The following LRP1B variants were observed in gnomAD, a reference collection of about 807,000 sequenced individuals.
LRP1B encodes the protein LDL receptor related protein 1B.
LRP1B carries 217 observed loss-of-function variants against 556.6 expected under a neutral mutation model. That is an observed-to-expected ratio of 0.39 (90% CI 0.35 to 0.44). The LOEUF (loss-of-function observed/expected upper bound fraction) is 0.44. Ranked by LOEUF, LRP1B falls within the 20% of genes least tolerant of loss-of-function variation. The pLI is 1.00. For synonymous variants in LRP1B, 2,047 were observed against 1,865.8 expected (o/e 1.10, Z -2.50); for missense variants, 5,053 against 5,620.8 (o/e 0.90, Z 3.23).
chr2:141,551,249 A>G (rs1041353632), intron 2 of LRP1B, among the ~76,000 whole-genome samples: 1 of 152,026 alleles, frequency 6.6e-6, no homozygotes, highest in Non-Finnish European at 1.5e-5. Flanking sequence ...ATAAATGTAT[A>G]TATAACACAT....
chr2:141,590,287 T>A (rs1216837321), intron 2 of LRP1B, among the ~76,000 whole-genome samples: 1 of 152,208 alleles, frequency 6.6e-6, no homozygotes, highest in African/African-American at 2.4e-5. Flanking sequence ...TGTGTTTGCC[T>A]GACATAAGCT....
chr2:140,713,589 G>A (rs910545178), intron 37 of LRP1B, among the ~76,000 whole-genome samples: 1 of 151,950 alleles, frequency 6.6e-6, no homozygotes, highest in African/African-American at 2.4e-5. Context: ...GTCCAGGACT[G>A]GTTTGGAGTT....
At chr2:141,111,547 T>A (rs78770156) in intron 7 of LRP1B, among the ~76,000 whole-genome samples, 1 of 152,278 alleles carries the variant, frequency 6.6e-6, no homozygotes, top group Non-Finnish European at 1.5e-5. Context: ...ACTACGGGGC[T>A]TGCCTAAACA....
At position 140,255,977 on chromosome 2, in the gene LRP1B, G is replaced by C. The variant is rs76701929; in HGVS notation, c.13248-8815C>G. On this transcript the variant is annotated intron_variant, in intron 86 of 90. Coordinates refer to ENST00000389484, the MANE Select transcript of LRP1B (RefSeq NM_018557.3). ...TGAGATGATTACATTCTAGTACTTG[G>C]GCGTATGTAAATTGTGTATCATTCA... is the stretch of plus-strand genomic sequence containing the variant. Among the ~76,000 whole-genome samples, 1,493 of 151,798 alleles carry C rather than the reference G, an allele frequency of 9.8e-3. 62 individuals are homozygous for C. In the East Asian group the frequency reaches 0.13, roughly 14 times the overall value.
chr2:141,361,086 A>G (rs1170542205), intron 3 of LRP1B, among the ~76,000 whole-genome samples: 1 of 152,178 alleles, frequency 6.6e-6, no homozygotes, highest in Non-Finnish European at 1.5e-5. Context: ...GGTAAGCCAC[A>G]CATAACTTAA....
intron 3 of LRP1B, among the ~76,000 whole-genome samples, chr2:141,367,907 A>G (rs879729124): frequency 2.6e-5 from 4 of 152,208 alleles, no homozygotes; most frequent in African/African-American, 7.2e-5. Context: ...AAAATAGATC[A>G]TCATAAAACA....
At chr2:141,009,030 T>C (rs950263127) in intron 14 of LRP1B, among the ~76,000 whole-genome samples, 2 of 151,952 alleles carry the variant, frequency 1.3e-5, no homozygotes, top group African/African-American at 4.8e-5. Flanking sequence ...AATTCCATTG[T>C]TTCAGTCTTT....
intron 41 of LRP1B, among the ~76,000 whole-genome samples, chr2:140,658,679 G>A (rs1347536730): frequency 1.3e-5 from 2 of 151,160 alleles, no homozygotes; most frequent in East Asian, 3.8e-4. Context: ...AACGCAATAT[G>A]TCTACATTTA....
chr2:142,121,126 T>C (rs943569730), intron 1 of LRP1B, among the ~76,000 whole-genome samples: 1 of 152,174 alleles, frequency 6.6e-6, no homozygotes, highest in Non-Finnish European at 1.5e-5. Flanking sequence ...AGAAAATCTT[T>C]CTAAACTAAA....
chr2:140,424,291 A>T (rs1022297711), intron 66 of LRP1B, among the ~76,000 whole-genome samples: 10 of 152,224 alleles, frequency 6.6e-5, no homozygotes, highest in Non-Finnish European at 1.0e-4. Flanking sequence ...AAGTATTTAA[A>T]ATTCTTCTCA....
Position 141,030,525 on chromosome 2 carries a change from CAAT to C in LRP1B, c.1790-10426_1790-10424del, listed in dbSNP as rs538049045. On this transcript the variant is annotated intron_variant, in intron 11 of 90. Coordinates refer to ENST00000389484, the MANE Select transcript of LRP1B (RefSeq NM_018557.3). The stretch of plus-strand genomic sequence containing the variant: ...AATATGCACATTCTTCTATGATTAA[CAAT>C]AAAGATTTATGAAAGCTCATTTTTA... Among the ~76,000 whole-genome samples the C allele has an allele frequency of 5.3e-5, 8 of 152,062 alleles. No individual in the cohort carries two copies. In the South Asian group the frequency reaches 1.7e-3, roughly 32 times the overall value.
chr2:141,404,837 T>C (rs1210182185), intron 3 of LRP1B, among the ~76,000 whole-genome samples: 1 of 152,062 alleles, frequency 6.6e-6, no homozygotes, highest in Non-Finnish European at 1.5e-5. Flanking sequence ...TGGAAGCACC[T>C]ATTTCTAATT....
intron 1 of LRP1B, among the ~76,000 whole-genome samples, chr2:141,946,032 G>A (rs1700945432): frequency 6.6e-6 from 1 of 151,922 alleles, no homozygotes; most frequent in South Asian, 2.1e-4. Context: ...GAAGACAGGG[G>A]TGGAGGCAGC....
At position 140,485,402 on chromosome 2, in the gene LRP1B, A is replaced by G. The variant is rs1208344270; in HGVS notation, c.9366T>C (p.Thr3122=). 5 of 1,613,956 alleles carry G rather than the reference A, an allele frequency of 3.1e-6. No homozygotes were observed. The highest frequency in any genetic ancestry group is 4.2e-6 in the Non-Finnish European group (5 of 1,179,882). Residue 3122 remains threonine (T), a synonymous_variant, in exon 59 of 91, where the codon ACT becomes ACC. Transcript: ENST00000389484. Reference sequence around the variant, plus strand: ...ACTTCAGCCTTTTGCTAACGAGTATAGTAGGGTACAAGCCATTGAGTTTGG... The same window carrying G: ...ACTTCAGCCTTTTGCTAACGAGTATGGTAGGGTACAAGCCATTGAGTTTGG... The part of the protein sequence containing the change: ...EVSKLNGLYP[T]ILVSKRLKFP...
At chr2:140,251,176 C>T (rs903896895) in intron 86 of LRP1B, among the ~76,000 whole-genome samples, 1 of 151,676 alleles carries the variant, frequency 6.6e-6, no homozygotes, top group Non-Finnish European at 1.5e-5. Context: ...TACTAGGAAG[C>T]ACAGTAAGCG....
chr2:140,944,680 A>T (rs929987936), intron 20 of LRP1B, among the ~76,000 whole-genome samples: 4 of 152,186 alleles, frequency 2.6e-5, no homozygotes, highest in Non-Finnish European at 4.4e-5. Flanking sequence ...ATCTCAATAG[A>T]TGCAGAAAAA....
At chr2:141,088,627 T>G (rs1700103426) in intron 7 of LRP1B, among the ~76,000 whole-genome samples, 1 of 152,166 alleles carries the variant, frequency 6.6e-6, no homozygotes, top group African/African-American at 2.4e-5. Flanking sequence ...CTACTATCAT[T>G]TGCCTTTGTC....
chr2:141,049,864 A>G (rs1225928511), intron 10 of LRP1B, among the ~76,000 whole-genome samples: 1 of 152,090 alleles, frequency 6.6e-6, no homozygotes, highest in Non-Finnish European at 1.5e-5. Flanking sequence ...TGTACAACAC[A>G]GGCCTTATCA....
intron 4 of LRP1B, among the ~76,000 whole-genome samples, chr2:141,247,655 T>C (rs958696761): frequency 5.9e-5 from 9 of 152,172 alleles, no homozygotes; most frequent in Non-Finnish European, 1.3e-4. Context: ...CTCCAATTAA[T>C]ATTTGTTGAA....
Sources: gnomAD v4.1 joint callset for allele counts (sites outside exome capture counted in the v4.1 genomes callset) on GRCh38, gnomAD v4.1.1 for gene constraint, MANE v1.5 for transcripts, NCBI Gene and HGNC (gene_info 2026-07-23, HGNC 2026-07-21) for gene names.